MAML2: variants seen among roughly 807,000 people sequenced by gnomAD.
MAML2 encodes the protein mastermind-like protein 2.
In MAML2, 22 loss-of-function variants were observed where a neutral mutation model predicts 96.1. The ratio of observed to expected loss-of-function variants is 0.23; its 90% CI spans 0.16 to 0.33. MAML2 has a LOEUF of 0.33. MAML2 is among the 10% of genes least tolerant of loss of function. The pLI, the probability that MAML2 is intolerant of heterozygous loss-of-function variation, is 1.00. For missense variants in MAML2, 1,367 were observed against 1,392.4 expected, an observed-to-expected ratio of 0.98 and a Z score of 0.29; for synonymous variants, 561 against 521.3, an observed-to-expected ratio of 1.08 and a Z score of -1.04.
chr11:96,271,953 C>G (rs988800773), intron 1 of MAML2, among the ~76,000 whole-genome samples: 2 of 152,150 alleles, frequency 1.3e-5, no homozygotes, highest in African/African-American at 4.8e-5. Context: ...CTAGAGCATT[C>G]CAGGGATACT....
intron 1 of MAML2, among the ~76,000 whole-genome samples, chr11:96,178,500 C>T (rs138872157): frequency 3.9e-4 from 59 of 152,242 alleles, no homozygotes; most frequent in African/African-American, 1.4e-3. Flanking sequence ...ACTAGGTCAC[C>T]AGCCACAGAG....
intron 2 of MAML2, among the ~76,000 whole-genome samples, chr11:96,036,139 C>A (rs10501836): frequency 0.063 from 9,614 of 152,210 alleles, 551 homozygotes; most frequent in East Asian, 0.28. Flanking sequence ...TGAGATGCTA[C>A]ACATGTAATT....
intron 1 of MAML2, among the ~76,000 whole-genome samples, chr11:96,182,869 T>A (rs1861507380): frequency 6.6e-6 from 1 of 152,188 alleles, no homozygotes; most frequent in Admixed American, 6.5e-5. Context: ...GAACAGAGTT[T>A]TTTTTTGTTG....
At chr11:96,174,415 GCT>G (rs958728734) in intron 1 of MAML2, among the ~76,000 whole-genome samples, 7 of 152,124 alleles carry the variant, frequency 4.6e-5, no homozygotes, top group African/African-American at 1.7e-4. Context: ...ATGGAGTATT[GCT>G]CTGTCTCCCG....
chr11:96,000,941 A>G (rs1858069824), intron 2 of MAML2, among the ~76,000 whole-genome samples: 2 of 152,218 alleles, frequency 1.3e-5, no homozygotes, highest in Admixed American at 6.5e-5. Context: ...TCAAGCTTGA[A>G]AAAACAGAAG....
At chr11:96,256,758 G>T (rs1297019190) in intron 1 of MAML2, among the ~76,000 whole-genome samples, 1 of 152,200 alleles carries the variant, frequency 6.6e-6, no homozygotes, top group African/African-American at 2.4e-5. Flanking sequence ...GAGCTAGACA[G>T]ACAAAGATAG....
intron 1 of MAML2, among the ~76,000 whole-genome samples, chr11:96,121,703 A>G (rs766135033): frequency 4.0e-5 from 6 of 151,784 alleles, no homozygotes; most frequent in Non-Finnish European, 7.4e-5. Flanking sequence ...AAGAAAAAAA[A>G]GAGAGAAGAC....
At chr11:96,044,834 T>C (rs1419284568) in intron 2 of MAML2, among the ~76,000 whole-genome samples, 2 of 152,234 alleles carry the variant, frequency 1.3e-5, no homozygotes, top group Non-Finnish European at 2.9e-5. Flanking sequence ...TCCTTGAAGA[T>C]GAGGTATTTT....
chr11:96,148,121 C>T (rs72971831), intron 1 of MAML2, among the ~76,000 whole-genome samples: 2,162 of 152,308 alleles, frequency 0.014, 26 homozygotes, highest in Non-Finnish European at 0.022. Context: ...CACGTCGGGA[C>T]ATGTTAAAAG....
At chr11:96,194,765 C>T (rs961593340) in intron 1 of MAML2, among the ~76,000 whole-genome samples, 1 of 150,958 alleles carries the variant, frequency 6.6e-6, no homozygotes, top group Admixed American at 6.6e-5. Context: ...TTTCTTTATT[C>T]TCAGGAAGAA....
intron 1 of MAML2, among the ~76,000 whole-genome samples, chr11:96,252,425 CTTTTTTTT>C (rs35604635): frequency 8.2e-6 from 1 of 122,584 alleles, no homozygotes; most frequent in Non-Finnish European, 1.7e-5. Flanking sequence ...TTGACTAACT[CTTTTTTTT>C]TTTTTTTTTT....
intron 2 of MAML2, among the ~76,000 whole-genome samples, chr11:96,044,562 G>C (rs1296841094): frequency 2.6e-5 from 4 of 152,186 alleles, no homozygotes; most frequent in Non-Finnish European, 2.9e-5. Context: ...TCTTGGCATA[G>C]AGGGAGTGCT....
chr11:96,331,691 G>T (rs61901562), intron 1 of MAML2, among the ~76,000 whole-genome samples: 1 of 151,522 alleles, frequency 6.6e-6, no homozygotes, highest in African/African-American at 2.4e-5. Context: ...GGTGGTGGGC[G>T]CCTGTAATCT....
At chr11:96,135,090 C>A (rs774128571) in intron 1 of MAML2, among the ~76,000 whole-genome samples, 1 of 152,152 alleles carries the variant, frequency 6.6e-6, no homozygotes, top group Non-Finnish European at 1.5e-5. Context: ...AGAGGTGAAA[C>A]CATTAAGAGG....
intron 1 of MAML2, among the ~76,000 whole-genome samples, chr11:96,136,350 T>C (rs1860632101): frequency 6.6e-6 from 1 of 151,188 alleles, no homozygotes; most frequent in Non-Finnish European, 1.5e-5. Context: ...ACATATGAGT[T>C]GAAGTCAATT....
At position 96,259,498 on chromosome 11, in the gene MAML2, G is replaced by A. The variant is rs12279806; in HGVS notation, c.513+81885C>T. Among the ~76,000 whole-genome samples, 804 of 152,300 alleles carry A rather than the reference G, an allele frequency of 5.3e-3. 5 individuals carry two copies. Among genetic ancestry groups the A allele is most frequent in the African/African-American group, 0.018 (759 of 41,560 alleles). On this transcript the variant is annotated intron_variant, in intron 1 of 4. Coordinates refer to ENST00000524717, the MANE Select transcript of MAML2 (RefSeq NM_032427.4). ...TCTGGAAGCATTTATACAGAGAGGT[G>A]TCTTTAGCTTAGTTGTTTGTCTAGA... is the stretch of plus-strand genomic sequence containing the variant.
intron 2 of MAML2, among the ~76,000 whole-genome samples, chr11:96,039,120 T>C (rs975593378): frequency 2.0e-5 from 3 of 152,032 alleles, no homozygotes; most frequent in African/African-American, 7.2e-5. Context: ...TCAGGCATGA[T>C]GATGTATGCC....
intron 1 of MAML2, among the ~76,000 whole-genome samples, chr11:96,193,675 A>C (rs79778696): frequency 1.4e-5 from 2 of 147,952 alleles, no homozygotes; most frequent in South Asian, 2.1e-4. Flanking sequence ...CCCGTGTAAC[A>C]AAAAAAAAGG....
chr11:96,064,304 T>C (rs950824541), intron 2 of MAML2, among the ~76,000 whole-genome samples: 1 of 152,196 alleles, frequency 6.6e-6, no homozygotes, highest in African/African-American at 2.4e-5. Flanking sequence ...TAGGTGGCCA[T>C]TGGTCAAGTC....
Sources: gnomAD v4.1 joint callset for allele counts (sites outside exome capture counted in the v4.1 genomes callset) on GRCh38, gnomAD v4.1.1 for gene constraint, MANE v1.5 for transcripts, NCBI Gene and HGNC (gene_info 2026-07-23, HGNC 2026-07-21) for gene names.